ADGRL3: variants seen among roughly 807,000 people sequenced by gnomAD.
ADGRL3 encodes the protein calcium-independent alpha-latrotoxin receptor 3.
ADGRL3 carries 62 observed loss-of-function variants against 153.5 expected under a neutral mutation model. The observed-to-expected ratio is 0.40, with a 90% CI of 0.33 to 0.50. ADGRL3 has a LOEUF of 0.50. Ranked by LOEUF, ADGRL3 falls within the 20% of genes least tolerant of loss-of-function variation. ADGRL3 has a pLI of 0.47. For synonymous variants in ADGRL3, 710 were observed against 672.5 expected (o/e 1.06, Z -0.86); for missense variants, 1,641 against 1,859.4 (o/e 0.88, Z 2.16).
intron 9 of ADGRL3, among the ~76,000 whole-genome samples, chr4:61,873,289 A>G (rs184480464): frequency 1.3e-5 from 2 of 152,286 alleles, no homozygotes; most frequent in Admixed American, 1.3e-4. Flanking sequence ...TCTTCTGTGC[A>G]GTATAATCTC....
At chr4:62,021,725 G>T (rs190094951) in intron 21 of ADGRL3, among the ~76,000 whole-genome samples, 2 of 152,034 alleles carry the variant, frequency 1.3e-5, no homozygotes, top group South Asian at 2.1e-4. Context: ...ATCTGTTAGG[G>T]TTATCTGTGG....
intron 19 of ADGRL3, among the ~76,000 whole-genome samples, chr4:61,988,671 T>G (rs1208791886): frequency 6.6e-6 from 1 of 152,096 alleles, no homozygotes; most frequent in African/African-American, 2.4e-5. Flanking sequence ...TTTAAAAAAA[T>G]CACATTGATA....
At chr4:61,623,184 T>C (rs569623272) in intron 5 of ADGRL3, among the ~76,000 whole-genome samples, 42 of 152,226 alleles carry the variant, frequency 2.8e-4, no homozygotes, top group African/African-American at 8.4e-4. Flanking sequence ...TATTCTGTTC[T>C]TGCTACCCTC....
intron 2 of ADGRL3, among the ~76,000 whole-genome samples, chr4:61,399,437 T>C (rs2096904804): frequency 1.3e-5 from 2 of 151,700 alleles, no homozygotes; most frequent in Non-Finnish European, 3.0e-5. Context: ...GACAATGATA[T>C]ATAACAAAAT....
chr4:62,014,125 A>G (rs1379514376), intron 21 of ADGRL3, among the ~76,000 whole-genome samples: 2 of 152,262 alleles, frequency 1.3e-5, no homozygotes, highest in East Asian at 3.9e-4. Context: ...TCAAGTTACC[A>G]AAACAAGAAG....
intron 4 of ADGRL3, among the ~76,000 whole-genome samples, chr4:61,582,669 C>A (rs1367669490): frequency 6.6e-6 from 1 of 151,670 alleles, no homozygotes; most frequent in Non-Finnish European, 1.5e-5. Flanking sequence ...TTGACTAGGA[C>A]ATTGAAGACT....
At chr4:61,970,556 A>C (rs966635184) in intron 17 of ADGRL3, among the ~76,000 whole-genome samples, 1 of 152,104 alleles carries the variant, frequency 6.6e-6, no homozygotes, top group African/African-American at 2.4e-5. Context: ...TGAAGCCAGA[A>C]ATTTTGCTAA....
intron 1 of ADGRL3, among the ~76,000 whole-genome samples, chr4:61,278,210 A>G (rs1022644249): frequency 2.6e-5 from 4 of 152,124 alleles, no homozygotes; most frequent in Non-Finnish European, 5.9e-5. Context: ...TCATGTTTAT[A>G]TGTTGAAAAG....
intron 11 of ADGRL3, among the ~76,000 whole-genome samples, chr4:61,904,397 C>T (rs969186989): frequency 1.3e-5 from 2 of 152,140 alleles, no homozygotes; most frequent in Admixed American, 6.5e-5. Flanking sequence ...GATCTGCCCA[C>T]TTCAGGCTCC....
chr4:62,005,967 T>TACAC (rs59783179), intron 21 of ADGRL3, among the ~76,000 whole-genome samples: 2,414 of 67,632 alleles, frequency 0.036, 121 homozygotes, highest in East Asian at 0.24. Context: ...TATATACACA[T>TACAC]ACACACACAC....
intron 4 of ADGRL3, among the ~76,000 whole-genome samples, chr4:61,532,530 ATG>A (rs2098626127): frequency 2.0e-5 from 2 of 100,750 alleles, no homozygotes; most frequent in Non-Finnish European, 3.9e-5. Context: ...AGGATGCTGC[ATG>A]CGCGCGCGCG....
intron 1 of ADGRL3, among the ~76,000 whole-genome samples, chr4:61,278,535 A>G (rs371378967): frequency 9.9e-5 from 15 of 151,724 alleles, no homozygotes; most frequent in African/African-American, 3.6e-4. Flanking sequence ...ACGGAGTCTC[A>G]CTCTGTTGCT....
chr4:61,657,048 G>A (rs180681420), intron 5 of ADGRL3, among the ~76,000 whole-genome samples: 11 of 151,914 alleles, frequency 7.2e-5, no homozygotes, highest in East Asian at 5.8e-4. Flanking sequence ...ATTTGCAAAC[G>A]TGTTTATTTA....
chr4:61,520,853 C>G (rs1201296719), intron 4 of ADGRL3, among the ~76,000 whole-genome samples: 1 of 151,862 alleles, frequency 6.6e-6, no homozygotes, highest in Non-Finnish European at 1.5e-5. Flanking sequence ...CTGTTTTTCT[C>G]AATCTTTCCA....
chr4:62,070,768 A>C lies in ADGRL3; in HGVS notation c.4492A>C (p.Arg1498=). Residue 1498 remains arginine, a synonymous_variant, in exon 27 of 27, where the codon AGA becomes CGA. Coordinates refer to ENST00000683033, the MANE Select transcript of ADGRL3 (RefSeq NM_001387552.1). The part of the protein sequence containing the change: ...YYKSMPNLGS[R]NHVHQLHTYY... ...CAAAAGCATGCCAAACCTAGGCTCC[A>C]GAAACCACGTCCATCAGCTGCATAC... 1 of 1,551,682 alleles carries C rather than the reference A, an allele frequency of 6.4e-7. No individual in the cohort carries two copies. The highest frequency in any genetic ancestry group is 1.4e-5 in the African/African-American group (1 of 73,164).
intron 3 of ADGRL3, among the ~76,000 whole-genome samples, chr4:61,502,510 A>G (rs1435843732): frequency 4.1e-5 from 6 of 146,194 alleles, no homozygotes; most frequent in African/African-American, 1.3e-4. Flanking sequence ...CTGCAATTCT[A>G]TTGTTAAAGT....
intron 9 of ADGRL3, among the ~76,000 whole-genome samples, chr4:61,826,173 T>C (rs2097798616): frequency 6.6e-6 from 1 of 152,160 alleles, no homozygotes; most frequent in Non-Finnish European, 1.5e-5. Flanking sequence ...ATTATTATTA[T>C]AGCCATAAAA....
At chr4:61,952,543 C>CAGGTATACCAG (rs2098951145) in intron 17 of ADGRL3, among the ~76,000 whole-genome samples, 1 of 151,542 alleles carries the variant, frequency 6.6e-6, no homozygotes, top group East Asian at 1.9e-4. Flanking sequence ...AGAGATGGTG[C>CAGGTATACCAG]AGGTATACCA....
chr4:61,576,569 T>A (rs575231078), intron 4 of ADGRL3, among the ~76,000 whole-genome samples: 1 of 147,514 alleles, frequency 6.8e-6, no homozygotes, highest in Admixed American at 6.9e-5. Context: ...GTCTTTAGAG[T>A]GGGAATTTAC....
Sources: gnomAD v4.1 joint callset for allele counts (sites outside exome capture counted in the v4.1 genomes callset) on GRCh38, gnomAD v4.1.1 for gene constraint, MANE v1.5 for transcripts, NCBI Gene and HGNC (gene_info 2026-07-23, HGNC 2026-07-21) for gene names.